GPLD1: variants seen among roughly 807,000 people sequenced by gnomAD.
GPLD1 encodes glycosylphosphatidylinositol specific phospholipase D1.
In GPLD1, 84 loss-of-function variants were observed where a neutral mutation model predicts 112.6. The observed-to-expected ratio is 0.75, with a 90% confidence interval of 0.63 to 0.89. GPLD1 has a LOEUF of 0.89. GPLD1 is among the 40% of genes least tolerant of loss of function. The pLI is 0.00. For synonymous variants in GPLD1, 386 were observed against 403.8 expected (o/e 0.96, Z 0.53); for missense variants, 1,044 against 1,051.5 (o/e 0.99, Z 0.10).
intron 5 of GPLD1, 81 bp from the exon 6 acceptor site, chr6:24,473,748 G>T: frequency 1.2e-6 from 1 of 853,246 alleles, no homozygotes; most frequent in East Asian, 2.6e-5. Context: ...CAAGTGGTGG[G>T]AGATGACAGC....
At position 24,466,830 on chromosome 6, in the gene GPLD1, GA is replaced by G. The variant is rs1478554655; in HGVS notation, c.682-12del. On this transcript the variant is annotated splice_polypyrimidine_tract_variant and intron_variant, in intron 9 of 24. Transcript: ENST00000230036. ...GTAAGTGGGATATAACTATGGCAGAGAGAAAGAAAAAATAAAATGAATATGG... is the reference window on the plus strand; with the variant it reads ...GTAAGTGGGATATAACTATGGCAGAGGAAAGAAAAAATAAAATGAATATGG... 1.4e-5 allele frequency: 22 copies of G among 1,591,914 alleles called. No homozygotes were observed. The highest frequency in any genetic ancestry group is 1.7e-6 in the Non-Finnish European group (2 of 1,166,012).
intron 11 of GPLD1, among the ~76,000 whole-genome samples, chr6:24,461,648 AC>A (rs910853550): frequency 2.6e-5 from 4 of 151,148 alleles, no homozygotes; most frequent in Admixed American, 1.3e-4. Flanking sequence ...TTCAAGGAGA[AC>A]CCTCCTGTGC....
chr6:24,469,635 G>C (rs1326335119), intron 7 of GPLD1, among the ~76,000 whole-genome samples: 1 of 114,850 alleles, frequency 8.7e-6, no homozygotes, highest in African/African-American at 3.3e-5. Context: ...TGGTGGGGTG[G>C]GGGGAGGGGG....
downstream of GPLD1, chr6:24,425,238 AAT>A (rs1246592976): frequency 1.1e-4 from 16 of 152,228 alleles, no homozygotes; most frequent in Non-Finnish European, 2.1e-4. Context: ...TAAAATACAT[AAT>A]AAGTACTACT....
Position 24,436,690 on chromosome 6 carries a change from A to G in GPLD1, c.2244T>C (p.Ser748=). The G allele has an allele frequency of 6.2e-7, 1 of 1,614,032 alleles. No homozygotes were observed. Among genetic ancestry groups the G allele is most frequent in the Non-Finnish European group, 8.5e-7 (1 of 1,179,946 alleles). ...GGCCGTCTTCTCCCCCAATCAGTCC[A>G]GAGGTTACATCTGCTATCCTCAGGG... ...AAPLRIADVT[S]GLIGGEDGRV... is the part of the protein sequence containing the mutation. Residue 748 remains serine, a synonymous_variant, in exon 22 of 25, where the codon TCT becomes TCC. Coordinates refer to ENST00000230036, the MANE Select transcript of GPLD1 (RefSeq NM_001503.4).
At position 24,465,207 on chromosome 6, in the gene GPLD1, AAAAAAAG is replaced by A. The variant is rs1398669119; in HGVS notation, c.821+1466_821+1472del. On this transcript the variant is annotated intron_variant, in intron 10 of 24. Transcript: ENST00000230036. Reference sequence around the variant, plus strand: ...GCAAGACTCTGTCTCAAAAAAAAAAAAAAAAAGAAAAGAAAAGAAAAGAAAAGAAAAA... The same window carrying A: ...GCAAGACTCTGTCTCAAAAAAAAAAAAAAAGAAAAGAAAAGAAAAGAAAAA... Among the ~76,000 whole-genome samples the A allele has an allele frequency of 9.4e-3, 1,319 of 140,192 alleles. 15 individuals carry two copies. Among genetic ancestry groups the A allele is most frequent in the African/African-American group, 0.036 (1,190 of 32,810 alleles). 92.0% of individuals were successfully genotyped at this position (140,192 alleles called of 152,430 possible). A position where few individuals can be genotyped will look rare whatever the true frequency, so the allele number is the denominator to read the frequency against.
intron 3 of GPLD1, among the ~76,000 whole-genome samples, chr6:24,478,445 G>T (rs1238858864): frequency 6.6e-6 from 1 of 152,002 alleles, no homozygotes; most frequent in East Asian, 1.9e-4. Flanking sequence ...GATAATAGCA[G>T]ATGACCCAAA....
chr6:24,445,449 T>C (rs773775550), intron 20 of GPLD1, 97 bp downstream of exon 20: 1 of 768,514 alleles, frequency 1.3e-6, no homozygotes, highest in Non-Finnish European at 2.2e-6. Flanking sequence ...GAAACCTAGA[T>C]CTGTTCAGCT....
Position 24,449,788 on chromosome 6 carries a change from C to G in GPLD1, c.1446+1G>C. 1.2e-6 allele frequency: 2 copies of G among 1,603,912 alleles called. No homozygotes were observed. The highest frequency in any genetic ancestry group is 1.7e-6 in the Non-Finnish European group (2 of 1,171,726). On this transcript the variant is annotated splice_donor_variant, in intron 15 of 24. Coordinates refer to ENST00000230036, the MANE Select transcript of GPLD1 (RefSeq NM_001503.4). LOFTEE classifies it high-confidence loss of function. ...CCAACCCTATCCAGCAGCAGCCTTA[C>G]TTTGTAGGTGAGCTGCTCGGAGCCC...
At chr6:24,448,807 C>T (rs980191747) in intron 15 of GPLD1, among the ~76,000 whole-genome samples, 5 of 152,254 alleles carry the variant, frequency 3.3e-5, no homozygotes, top group Non-Finnish European at 5.9e-5. Flanking sequence ...TGAGGATACA[C>T]ACTGTGCTAT....
intron 14 of GPLD1, 47 bp from the exon 15 acceptor site, chr6:24,449,946 G>C (rs779210711): frequency 8.5e-7 from 1 of 1,179,628 alleles, no homozygotes; most frequent in Middle Eastern, 2.1e-4. Flanking sequence ...CACGGCCTCG[G>C]AAAGAGCACT....
rs769740951 is a variant in GPLD1, at chr6:24,447,908, C to T, written c.1647G>A (p.Ala549=). 18 of 1,613,916 alleles carry T rather than the reference C, an allele frequency of 1.1e-5. No homozygotes were observed. In the Admixed American group the frequency reaches 1.7e-4, roughly 15 times the overall value. ...CGCTCAGGCTGGGGCCAGAATAAAACGCAGCCACAATTCCCTTCTGCTTCC... is the reference window on the plus strand; with the variant it reads ...CGCTCAGGCTGGGGCCAGAATAAAATGCAGCCACAATTCCCTTCTGCTTCC... The part of the protein sequence containing the change: ...GGGKQKGIVA[A]FYSGPSLSDK... Residue 549 remains alanine, a synonymous_variant, in exon 17 of 25, where the codon GCG becomes GCA. Coordinates refer to ENST00000230036, the MANE Select transcript of GPLD1 (RefSeq NM_001503.4).
At chr6:24,449,088 C>T (rs1312936400) in intron 15 of GPLD1, among the ~76,000 whole-genome samples, 1 of 151,762 alleles carries the variant, frequency 6.6e-6, no homozygotes, top group Non-Finnish European at 1.5e-5. Flanking sequence ...CAAGAAGTGA[C>T]ATGTCACTCC....
intron 13 of GPLD1, 31 bp from the exon 14 acceptor site, chr6:24,454,232 T>C: frequency 6.5e-7 from 1 of 1,535,122 alleles, no homozygotes; most frequent in South Asian, 1.2e-5. Flanking sequence ...CACCATGGTA[T>C]GCACTGAGCA....
chr6:24,472,183 GAAGAA>G (rs1349668693), intron 7 of GPLD1, among the ~76,000 whole-genome samples: 1 of 152,078 alleles, frequency 6.6e-6, no homozygotes, highest in African/African-American at 2.4e-5. Context: ...CCATAAAATA[GAAGAA>G]AAGTGTAACC....
intron 10 of GPLD1, among the ~76,000 whole-genome samples, chr6:24,463,233 G>T (rs2744591): frequency 0.055 from 8,298 of 152,126 alleles, 412 homozygotes; most frequent in African/African-American, 0.13. Flanking sequence ...AGCTAATGAA[G>T]GATCCCCTTT....
intron 20 of GPLD1, among the ~76,000 whole-genome samples, chr6:24,442,286 CT>C (rs1690842175): frequency 6.6e-6 from 1 of 151,248 alleles, no homozygotes; most frequent in Non-Finnish European, 1.5e-5. Flanking sequence ...CTATGCCTAC[CT>C]TTTTTTCTTT....
chr6:24,436,640 T>C lies in GPLD1; in HGVS notation c.2294A>G (p.Glu765Gly), dbSNP rs760013529. ...DGRVYVYNGK[E>G]TTLGDMTGKC... ...GCCAGTCATGTCACCAAGGGTGGTC[T>C]CTTTGCCATTATATACATATACTCG... is the stretch of plus-strand genomic sequence containing the variant. Residue 765 changes from glutamate to glycine, a missense_variant, in exon 22 of 25, where the codon GAG becomes GGG. Glu to Gly is a moderately conservative substitution (Grantham distance 98). Transcript: ENST00000230036. The C allele has an allele frequency of 2.2e-5, 35 of 1,614,002 alleles. No individual in the cohort carries two copies. Among genetic ancestry groups the C allele is most frequent in the Middle Eastern group, 1.6e-4 (1 of 6,084 alleles).
At chr6:24,465,130 G>A (rs1298079596) in intron 10 of GPLD1, among the ~76,000 whole-genome samples, 2 of 149,686 alleles carry the variant, frequency 1.3e-5, no homozygotes, top group Non-Finnish European at 1.5e-5. Context: ...CCAGGAGGTG[G>A]AGGTTGCAGT....
Sources: gnomAD v4.1 joint callset for allele counts (sites outside exome capture counted in the v4.1 genomes callset) on GRCh38, gnomAD v4.1.1 for gene constraint, MANE v1.5 for transcripts, NCBI Gene and HGNC (gene_info 2026-07-23, HGNC 2026-07-21) for gene names.